PTBP3: variants seen among roughly 807,000 people sequenced by gnomAD.
PTBP3 encodes the protein polypyrimidine tract binding protein 3.
In PTBP3, 20 loss-of-function variants were observed where a neutral mutation model predicts 58.7. That is an observed-to-expected ratio of 0.34 (90% CI 0.24 to 0.50). The LOEUF (loss-of-function observed/expected upper bound fraction) is 0.50. Ranked by LOEUF, PTBP3 falls within the 20% of genes least tolerant of loss-of-function variation. The probability of loss-of-function intolerance (pLI) is 0.98; values close to 1 mark genes in which losing one functional copy is unlikely to be tolerated. For missense variants in PTBP3, 509 were observed against 637.2 expected (o/e 0.80, Z 2.17); for synonymous variants, 185 against 219.8 (o/e 0.84, Z 1.40).
At chr9:112,255,265 G>T (rs1460505960) in intron 5 of PTBP3, among the ~76,000 whole-genome samples, 1 of 151,996 alleles carries the variant, frequency 6.6e-6, no homozygotes, top group Non-Finnish European at 1.5e-5. Context: ...TTGGGAAGAT[G>T]AAAAAAATTC....
the PTBP3 span, among the ~76,000 whole-genome samples, chr9:112,364,497 A>G: frequency 6.6e-6 from 1 of 152,028 alleles, no homozygotes; most frequent in Non-Finnish European, 1.5e-5. Context: ...GTCTTTACAA[A>G]AACTATAAGC....
At chr9:112,358,086 T>C in the PTBP3 span, among the ~76,000 whole-genome samples, 1 of 152,068 alleles carries the variant, frequency 6.6e-6, no homozygotes, top group Non-Finnish European at 1.5e-5. Context: ...GGCAGGTGGA[T>C]CATCTGAGGT....
the PTBP3 span, among the ~76,000 whole-genome samples, chr9:112,342,695 G>A: frequency 5.2e-5 from 7 of 135,032 alleles, no homozygotes; most frequent in East Asian, 4.7e-4. Flanking sequence ...CTGCCTGGGC[G>A]ACAGAGCGAG....
chr9:112,288,463 A>G (rs921595603), intron 2 of PTBP3, among the ~76,000 whole-genome samples: 2 of 152,044 alleles, frequency 1.3e-5, no homozygotes, highest in Admixed American at 1.3e-4. Context: ...ACCTTCCCAA[A>G]CTTCAATCTG....
intron 1 of PTBP3, among the ~76,000 whole-genome samples, chr9:112,306,753 T>C (rs1829237732): frequency 6.6e-6 from 1 of 151,788 alleles, no homozygotes; most frequent in Non-Finnish European, 1.5e-5. Flanking sequence ...GTAGCTGGGA[T>C]TACAGGCACA....
Position 112,223,748 on chromosome 9 carries a change from A to G in PTBP3, c.*103T>C. On this transcript the variant is annotated 3_prime_UTR_variant, in exon 14 of 14. Coordinates refer to ENST00000374257, the MANE Select transcript of PTBP3 (RefSeq NM_001163788.4). ...ATACTTGAATATCAAACTCAGAGTTATTTTTGTGAAAGAGGCAAAATTGGT... is the reference window on the plus strand; with the variant it reads ...ATACTTGAATATCAAACTCAGAGTTGTTTTTGTGAAAGAGGCAAAATTGGT... The G allele has an allele frequency of 6.5e-7, 1 of 1,531,914 alleles. No individual in the cohort carries two copies. Among genetic ancestry groups the G allele is most frequent in the Non-Finnish European group, 8.8e-7 (1 of 1,140,898 alleles). The allele number at this position is 1,531,914 out of a possible 1,614,324, so 94.9% of individuals were successfully genotyped here.
the PTBP3 span, among the ~76,000 whole-genome samples, chr9:112,356,832 CCCA>C: frequency 8.7e-5 from 13 of 149,620 alleles, no homozygotes; most frequent in Non-Finnish European, 3.0e-5. Context: ...ACAATTTGGC[CCCA>C]ACCATTTCAT....
At chr9:112,334,017 G>A (rs1389755705), upstream of PTBP3, among the ~76,000 whole-genome samples, 1 of 151,692 alleles carries the variant, frequency 6.6e-6, no homozygotes, top group Non-Finnish European at 1.5e-5. Flanking sequence ...TCTGCCGGCA[G>A]GAAAAGCTAT....
At chr9:112,272,593 G>A (rs993337213) in intron 3 of PTBP3, 2 of 151,326 alleles carry the variant, frequency 1.3e-5, no homozygotes, top group Admixed American at 1.3e-4. Context: ...TAACAGATAG[G>A]GGTCTTGATA....
At chr9:112,341,873 A>T in the PTBP3 span, among the ~76,000 whole-genome samples, 1 of 152,174 alleles carries the variant, frequency 6.6e-6, no homozygotes, top group African/African-American at 2.4e-5. Flanking sequence ...CTTTAGAATG[A>T]CTAGGTCCCT....
intron 6 of PTBP3, 183 bp downstream of exon 6, chr9:112,252,481 AGACCGTTTCATATG>A: frequency 1.8e-6 from 1 of 554,984 alleles, no homozygotes; most frequent in South Asian, 2.1e-5. Flanking sequence ...AGGAGATTTG[AGACCGTTTCATATG>A]AAGTAGTAAT....
intron 3 of PTBP3, among the ~76,000 whole-genome samples, chr9:112,275,203 T>A (rs1827558147): frequency 1.3e-5 from 2 of 152,010 alleles, no homozygotes; most frequent in South Asian, 4.1e-4. Context: ...TGGCACCATC[T>A]CGGCTCACTG....
chr9:112,325,820 C>A (rs373235784), intron 1 of PTBP3, among the ~76,000 whole-genome samples: 96 of 152,206 alleles, frequency 6.3e-4, no homozygotes, highest in Non-Finnish European at 8.5e-4. Context: ...GCCCAGGAGA[C>A]CAGCCTGGCC....
At chr9:112,252,332 G>C (rs1303067723) in intron 6 of PTBP3, 7 of 288,880 alleles carry the variant, frequency 2.4e-5, no homozygotes, top group Non-Finnish European at 2.6e-5. Context: ...GGCCTGGTTA[G>C]TACTTGGATG....
chr9:112,365,072 A>ATGTGGAAGCATATCACTT, the PTBP3 span, among the ~76,000 whole-genome samples: 2 of 152,190 alleles, frequency 1.3e-5, no homozygotes, highest in South Asian at 4.1e-4. Flanking sequence ...CACTTAGCAT[A>ATGTGGAAGCATATCACTT]ATGTCTTCCA....
the PTBP3 span, among the ~76,000 whole-genome samples, chr9:112,353,699 A>T: frequency 6.6e-6 from 1 of 151,882 alleles, no homozygotes; most frequent in East Asian, 1.9e-4. Flanking sequence ...AATAAATATA[A>T]TATAGATGCT....
chr9:112,272,581 T>C (rs1269841308), intron 3 of PTBP3: 1 of 152,198 alleles, frequency 6.6e-6, no homozygotes, highest in Non-Finnish European at 1.5e-5. Flanking sequence ...CATCCATTTT[T>C]TTAACAGATA....
chr9:112,302,420 A>G (rs1245325726), intron 1 of PTBP3, among the ~76,000 whole-genome samples: 1 of 151,950 alleles, frequency 6.6e-6, no homozygotes, highest in Non-Finnish European at 1.5e-5. Context: ...AACTCTTTTC[A>G]TATTTTTGAC....
intron 1 of PTBP3, among the ~76,000 whole-genome samples, chr9:112,316,180 A>G (rs1829695990): frequency 6.6e-6 from 1 of 152,168 alleles, no homozygotes; most frequent in Admixed American, 6.5e-5. Context: ...GTGGTGCCAA[A>G]TGATCCCCAT....
Sources: allele counts gnomAD v4.1 joint callset (sites outside exome capture counted in the v4.1 genomes callset), GRCh38; gene constraint gnomAD v4.1.1; transcripts MANE v1.5; gene names NCBI Gene and HGNC (gene_info 2026-07-23, HGNC 2026-07-21).